CASZ1: variants seen among roughly 807,000 people sequenced by gnomAD.
The protein encoded by CASZ1 is zinc finger protein castor homolog 1.
CASZ1 carries 28 observed loss-of-function variants against 135.2 expected under a neutral mutation model. The ratio of observed to expected loss-of-function variants is 0.21; its 90% confidence interval spans 0.15 to 0.28. CASZ1 has a LOEUF of 0.28. Ranked by LOEUF, CASZ1 falls within the 10% of genes least tolerant of loss-of-function variation. The pLI, the probability that CASZ1 is intolerant of heterozygous loss-of-function variation, is 1.00. For synonymous variants in CASZ1, 1,068 were observed against 1,073.4 expected (o/e 0.99, Z 0.10); for missense variants, 2,161 against 2,453.3 (o/e 0.88, Z 2.52).
In CASZ1 at chr1:10,650,718, A is replaced by T. The variant is rs553523191; in HGVS notation, c.2854T>A (p.Ser952Thr). The T allele has an allele frequency of 1.5e-4, 245 of 1,614,138 alleles. 2 individuals are homozygous for T. In the South Asian group the frequency reaches 2.6e-3, roughly 17 times the overall value. Reference sequence around the variant, plus strand: ...TTATTCATAAGCGAGGATAAAAGAGATGAATTTGCCGGGACTGCGTGGCCA... The same window carrying T: ...TTATTCATAAGCGAGGATAAAAGAGTTGAATTTGCCGGGACTGCGTGGCCA... Reference protein sequence around the residue: ...SNGHAVPANSSLLSSLMNKMS... With the variant: ...SNGHAVPANSTLLSSLMNKMS... The change falls in exon 13 of 21, where the codon TCT becomes ACT. Residue 952 changes from serine to threonine, a missense_variant. Physicochemically the swap from Ser to Thr is moderately conservative, Grantham distance 58. This residue lies in a region of CASZ1 where 406 missense variants were observed against 387.6 expected (regional missense o/e 1.05). Transcript: ENST00000377022.
Position 10,639,303 on chromosome 1 carries a change from C to T in CASZ1, c.4919G>A (p.Gly1640Asp). 4 of 1,399,060 alleles carry T rather than the reference C, an allele frequency of 2.9e-6. No homozygotes were observed. The highest frequency in any genetic ancestry group is 3.7e-6 in the Non-Finnish European group (4 of 1,083,974). The allele number at this position is 1,399,060 out of a possible 1,614,324, so 86.7% of individuals were successfully genotyped here. Residue 1640 changes from glycine to aspartate, a missense_variant, in exon 21 of 21, where the codon GGC becomes GAC. Coordinates refer to ENST00000377022, the MANE Select transcript of CASZ1 (RefSeq NM_001079843.3). This position sits in a 1 kb window ranked among gnomAD's most constrained non-coding sequence, Gnocchi z 4.0. ...GTCGCCCGCGTCGCCCAGCGCCAGG[C>T]CCAGGCCGGCGGCCGCCGACTGCAG... ...LFLQSAAAGL[G>D]LALGDAGDPG... is the part of the protein sequence containing the mutation.
At position 10,726,186 on chromosome 1, in the gene CASZ1, G is replaced by A. The variant is rs146338103; in HGVS notation, c.-76-20642C>T. On this transcript the variant is annotated intron_variant, in intron 2 of 20. Coordinates refer to ENST00000377022, the MANE Select transcript of CASZ1 (RefSeq NM_001079843.3). The surrounding 1 kb of genome is among the most constrained non-coding windows in gnomAD (Gnocchi z 5.7). ...TGTTAGTGTTTATGGAGGGCTGACC[G>A]CGTCCCAGGCAGAGTGAAGTCGGTT... 2.2e-3 allele frequency among the ~76,000 whole-genome samples: 333 copies of A among 152,228 alleles called. No individual in the cohort carries two copies. Among genetic ancestry groups the A allele is most frequent in the Non-Finnish European group, 3.8e-3 (260 of 68,010 alleles).
chr1:10,787,849 C>T (rs541269954), intron 1 of CASZ1, among the ~76,000 whole-genome samples: 48 of 152,326 alleles, frequency 3.2e-4, no homozygotes, highest in African/African-American at 9.9e-4. Flanking sequence ...GGCTTCCCAC[C>T]GGCTCAGGCA....
rs181569494 is a variant in CASZ1, at chr1:10,739,098, G to A, written c.-77+21603C>T. ...TTTTTTAAAATTTTGCTGGGGGTCC[G>A]GGGGAAGAAGGAAAAAAAGCAACAA... is the stretch of plus-strand genomic sequence containing the variant. On this transcript the variant is annotated intron_variant, in intron 2 of 20. Coordinates refer to ENST00000377022, the MANE Select transcript of CASZ1 (RefSeq NM_001079843.3). This position sits in a 1 kb window ranked among gnomAD's most constrained non-coding sequence, Gnocchi z 4.8. 2.9e-3 allele frequency among the ~76,000 whole-genome samples: 446 copies of A among 152,018 alleles called. 4 individuals are homozygous for A. The highest frequency in any genetic ancestry group is 2.9e-3 in the Non-Finnish European group (196 of 67,978).
intron 2 of CASZ1, among the ~76,000 whole-genome samples, chr1:10,716,965 C>T (rs1639406096): frequency 6.6e-6 from 1 of 152,190 alleles, no homozygotes; most frequent in Non-Finnish European, 1.5e-5. Context: ...ACTTCTCCCC[C>T]ATCTCAAGGC....
intron 1 of CASZ1, among the ~76,000 whole-genome samples, chr1:10,778,474 A>G (rs543854119): frequency 1.3e-5 from 2 of 152,208 alleles, no homozygotes; most frequent in East Asian, 3.9e-4. Context: ...AATCTCACAT[A>G]GTCTCACAAT....
At position 10,760,784 on chromosome 1, in the gene CASZ1, G is replaced by A. The variant is rs1404019194; in HGVS notation, c.-160C>T. ...TGCAGGAGCCCCTTGTAAAGGAGGG[G>A]TCGATGGCCGTGGCAGCTGGGAGGG... On this transcript the variant is annotated 5_prime_UTR_variant, in exon 2 of 21. Coordinates refer to ENST00000377022, the MANE Select transcript of CASZ1 (RefSeq NM_001079843.3). 1 of 152,272 alleles carries A rather than the reference G, an allele frequency of 6.6e-6. No individual in the cohort carries two copies. Among genetic ancestry groups the A allele is most frequent in the Admixed American group, 6.5e-5 (1 of 15,284 alleles). The allele number at this position is 152,272 out of a possible 1,614,324, so 9.4% of individuals were successfully genotyped here.
chr1:10,688,389 A>G (rs1638661784), intron 4 of CASZ1, among the ~76,000 whole-genome samples: 1 of 152,190 alleles, frequency 6.6e-6, no homozygotes. Flanking sequence ...AAAAGACAGA[A>G]AAACGTGGTT....
intron 4 of CASZ1, 77 bp from the exon 5 acceptor site, chr1:10,665,648 A>T: frequency 7.0e-7 from 1 of 1,430,824 alleles, no homozygotes; most frequent in Non-Finnish European, 9.2e-7. Flanking sequence ...ACAGCCCTGC[A>T]TCCCCCAAGC....
chr1:10,786,981 C>T (rs532277168), intron 1 of CASZ1, among the ~76,000 whole-genome samples: 2 of 152,298 alleles, frequency 1.3e-5, no homozygotes, highest in African/African-American at 4.8e-5. Context: ...GAGACTGATA[C>T]CATATGACAT....
Position 10,647,953 on chromosome 1 carries a change from G to A in CASZ1, c.3345C>T (p.Thr1115=). 6.2e-7 allele frequency: 1 copy of A among 1,612,200 alleles called. No individual in the cohort carries two copies. Among genetic ancestry groups the A allele is most frequent in the Non-Finnish European group, 8.5e-7 (1 of 1,178,986 alleles). ...PSPASVPSTP[T]LLAWKQLAST... is the part of the protein sequence containing the mutation. ...AAGCCAGCTGCTTCCAGGCGAGCAG[G>A]GTGGGGGTGGAGGGCACGGAGGCCG... Residue 1115 remains threonine (T), a synonymous_variant, in exon 16 of 21, where the codon ACC becomes ACT. Coordinates refer to ENST00000377022, the MANE Select transcript of CASZ1 (RefSeq NM_001079843.3). This position sits in a 1 kb window ranked among gnomAD's most constrained non-coding sequence, Gnocchi z 4.9.
At chr1:10,671,193 C>T (rs1395055676) in intron 4 of CASZ1, among the ~76,000 whole-genome samples, 4 of 152,200 alleles carry the variant, frequency 2.6e-5, no homozygotes, top group Admixed American at 1.3e-4. Flanking sequence ...TAGCATCCAC[C>T]GCACAGGCTG....
chr1:10,695,070 C>A (rs1298574119), intron 3 of CASZ1, among the ~76,000 whole-genome samples: 11 of 151,270 alleles, frequency 7.3e-5, no homozygotes, highest in Admixed American at 6.6e-5. Context: ...CTTCCCTGCT[C>A]CCCTGCCCGC....
intron 8 of CASZ1, 59 bp from the exon 9 acceptor site, chr1:10,655,872 C>T: frequency 6.4e-7 from 1 of 1,573,304 alleles, no homozygotes; most frequent in Admixed American, 1.7e-5. Flanking sequence ...CCCTTCCTCC[C>T]ATATGCCAAG....
intron 4 of CASZ1, among the ~76,000 whole-genome samples, chr1:10,665,773 C>G (rs1428717677): frequency 1.3e-5 from 2 of 152,242 alleles, no homozygotes; most frequent in Non-Finnish European, 2.9e-5. Context: ...AATCACTCTA[C>G]TTTCTGAGCC....
chr1:10,660,258 C>G lies in CASZ1; in HGVS notation c.784G>C (p.Glu262Gln), dbSNP rs756472680. The change falls in exon 6 of 21, where the codon GAG (glutamate) becomes CAG (glutamine). Residue 262 changes from glutamate (E) to glutamine (Q), a missense_variant. Physicochemically the swap from Glu to Gln is conservative, Grantham distance 29. Around this residue, in one of 7 missense-constraint regions of CASZ1, gnomAD observed 590 missense variants for 609.8 expected, o/e 0.97. Coordinates refer to ENST00000377022, the MANE Select transcript of CASZ1 (RefSeq NM_001079843.3). ...LSWPAPSTKT[E>Q]ERVGKEVVGT... Reference sequence around the variant, plus strand: ...ACCACCTCCTTGCCCACCCGCTCCTCGGTCTTGGTGCTGGGGGCCGGCCAG... The same window carrying G: ...ACCACCTCCTTGCCCACCCGCTCCTGGGTCTTGGTGCTGGGGGCCGGCCAG... 8 of 1,613,596 alleles carry G rather than the reference C, an allele frequency of 5.0e-6. No homozygotes were observed. In the African/African-American group the frequency reaches 5.3e-5, roughly 11 times the overall value.
rs765171550 is a variant in CASZ1 at position 10,776,029 on chromosome 1, C to T, written c.-233-15172G>A. Among the ~76,000 whole-genome samples, 11 of 152,322 alleles carry T rather than the reference C, an allele frequency of 7.2e-5. No homozygotes were observed. Among genetic ancestry groups the T allele is most frequent in the Non-Finnish European group, 1.5e-4 (10 of 68,034 alleles). On this transcript the variant is annotated intron_variant, in intron 1 of 20. Coordinates refer to ENST00000377022, the MANE Select transcript of CASZ1 (RefSeq NM_001079843.3). This position sits in a 1 kb window ranked among gnomAD's most constrained non-coding sequence, Gnocchi z 4.1. ...CAAGTCCCCATCAGTGGGGTCTGCT[C>T]GGTCCCTGTAGCTAATTTACACCCG...
intron 1 of CASZ1, among the ~76,000 whole-genome samples, chr1:10,784,588 G>A (rs979602731): frequency 1.3e-5 from 2 of 152,024 alleles, no homozygotes; most frequent in African/African-American, 2.4e-5. Flanking sequence ...TTTTGAGAGC[G>A]AGTCTCGCTC....
chr1:10,736,067 T>C (rs1639791783), intron 2 of CASZ1, among the ~76,000 whole-genome samples: 1 of 152,156 alleles, frequency 6.6e-6, no homozygotes, highest in Admixed American at 6.5e-5. Context: ...TCATGAACGA[T>C]GTCCCAGTGG....
Sources: allele counts gnomAD v4.1 joint callset (sites outside exome capture counted in the v4.1 genomes callset), GRCh38; gene constraint gnomAD v4.1.1; regional missense constraint gnomAD v4.1.1; non-coding constraint Gnocchi (gnomAD v3.1); transcripts MANE v1.5; gene names NCBI Gene and HGNC (gene_info 2026-07-23, HGNC 2026-07-21).